ME1: variants seen among roughly 807,000 people sequenced by gnomAD.
ME1 encodes the protein NADP-dependent malic enzyme.
ME1 carries 74 observed loss-of-function variants against 66.4 expected under a neutral mutation model. The ratio of observed to expected loss-of-function variants is 1.11; its 90% confidence interval spans 0.92 to 1.35. ME1 has a LOEUF of 1.35. Ranked by LOEUF, ME1 falls within the 40% of genes most tolerant of loss-of-function variation. The pLI is 0.00. For synonymous variants in ME1, 251 were observed against 235.6 expected (o/e 1.07, Z -0.60); for missense variants, 750 against 694.1 (o/e 1.08, Z -0.90).
At chr6:83,294,396 AC>A (rs1361766110) in intron 6 of ME1, among the ~76,000 whole-genome samples, 1 of 152,062 alleles carries the variant, frequency 6.6e-6, no homozygotes, top group Non-Finnish European at 1.5e-5. Context: ...CCAGTTGTTG[AC>A]CACCTAATAA....
In ME1 at chr6:83,362,505, C is replaced by T. The variant is rs143561306; in HGVS notation, c.363-10366G>A. The stretch of plus-strand genomic sequence containing the variant: ...AACAAAGTACCCATGGTGGCAGGGG[C>T]GGAGGTTACGTATGGGCTCAGCAAC... On this transcript the variant is annotated intron_variant, in intron 3 of 13. Transcript: ENST00000369705. Among the ~76,000 whole-genome samples, 850 of 152,272 alleles carry T rather than the reference C, an allele frequency of 5.6e-3. 8 individuals carry two copies. The highest frequency in any genetic ancestry group is 0.019 in the African/African-American group (803 of 41,560).
At chr6:83,253,964 A>C (rs1790764262) in intron 6 of ME1, among the ~76,000 whole-genome samples, 1 of 152,196 alleles carries the variant, frequency 6.6e-6, no homozygotes, top group South Asian at 2.1e-4. Context: ...AATGACCAAA[A>C]TATGTTCCCT....
At position 83,328,532 on chromosome 6, in the gene ME1, A is replaced by T. The variant is rs962671119; in HGVS notation, c.601-13119T>A. ...TTTTTTTAATTTCATAATTTTAATT[A>T]AGATAATCAAGGCTTGAATAATTAG... On this transcript the variant is annotated intron_variant, in intron 5 of 13. Coordinates refer to ENST00000369705, the MANE Select transcript of ME1 (RefSeq NM_002395.6). 8.5e-5 allele frequency among the ~76,000 whole-genome samples: 13 copies of T among 152,226 alleles called. No individual in the cohort carries two copies. The East Asian group carries it at 2.5e-3, about 29-fold the overall frequency.
chr6:83,311,773 C>T (rs1442949906), intron 6 of ME1, among the ~76,000 whole-genome samples: 3 of 152,066 alleles, frequency 2.0e-5, no homozygotes, highest in Non-Finnish European at 4.4e-5. Context: ...GGTGAGAATG[C>T]TTAACAATCA....
chr6:83,389,851 A>T (rs1357977402), intron 3 of ME1, among the ~76,000 whole-genome samples: 1 of 152,180 alleles, frequency 6.6e-6, no homozygotes, highest in Non-Finnish European at 1.5e-5. Flanking sequence ...AATTAGGCAC[A>T]CTGACATAAG....
intron 6 of ME1, among the ~76,000 whole-genome samples, chr6:83,301,698 T>G (rs1452165291): frequency 1.3e-5 from 2 of 152,068 alleles, no homozygotes; most frequent in Admixed American, 1.3e-4. Context: ...ATGAAAAAAG[T>G]TCAATATCAC....
At chr6:83,324,363 C>T (rs1448717035) in intron 5 of ME1, among the ~76,000 whole-genome samples, 1 of 151,388 alleles carries the variant, frequency 6.6e-6, no homozygotes, top group Non-Finnish European at 1.5e-5. Context: ...GAGATAAAGA[C>T]ATGAAAAACC....
intron 6 of ME1, among the ~76,000 whole-genome samples, chr6:83,303,428 C>T (rs1225323247): frequency 6.6e-6 from 1 of 152,070 alleles, no homozygotes. Context: ...CATTTTTTCT[C>T]TTGAATTATT....
At chr6:83,256,495 C>T (rs1275147971) in intron 6 of ME1, among the ~76,000 whole-genome samples, 3 of 152,032 alleles carry the variant, frequency 2.0e-5, no homozygotes, top group Non-Finnish European at 2.9e-5. Flanking sequence ...AGTGAGATAC[C>T]GTCTCACACC....
At chr6:83,277,828 G>A (rs1767212927) in intron 6 of ME1, among the ~76,000 whole-genome samples, 1 of 151,798 alleles carries the variant, frequency 6.6e-6, no homozygotes, top group Non-Finnish European at 1.5e-5. Flanking sequence ...CTTGAACCTG[G>A]GAGGTAGAGG....
intron 7 of ME1, among the ~76,000 whole-genome samples, chr6:83,244,496 A>T (rs1790580643): frequency 6.6e-6 from 1 of 152,024 alleles, no homozygotes; most frequent in South Asian, 2.1e-4. Context: ...TAATTATAAT[A>T]TATTATAGGT....
At chr6:83,321,748 C>A (rs187643710) in intron 5 of ME1, among the ~76,000 whole-genome samples, 4 of 152,176 alleles carry the variant, frequency 2.6e-5, no homozygotes, top group African/African-American at 9.7e-5. Flanking sequence ...AACTTTCCAG[C>A]CTGACAGCTC....
intron 7 of ME1, 37 bp from the exon 8 acceptor site, chr6:83,239,673 A>G (rs756884032): frequency 3.5e-6 from 5 of 1,421,702 alleles, no homozygotes; most frequent in Non-Finnish European, 5.0e-6. Flanking sequence ...GTAATCCTCA[A>G]ACAGATCCTG....
At chr6:83,317,507 T>C (rs1325259697) in intron 5 of ME1, among the ~76,000 whole-genome samples, 8 of 151,988 alleles carry the variant, frequency 5.3e-5, no homozygotes, top group Non-Finnish European at 4.4e-5. Context: ...TTTTTGCACA[T>C]TGATTTTGTA....
chr6:83,241,275 G>C (rs1183399089), intron 7 of ME1, among the ~76,000 whole-genome samples: 1 of 152,042 alleles, frequency 6.6e-6, no homozygotes, highest in Non-Finnish European at 1.5e-5. Flanking sequence ...TTGGATCTGG[G>C]GAACTCTAAG....
At chr6:83,257,672 G>A (rs1766804843) in intron 6 of ME1, among the ~76,000 whole-genome samples, 1 of 152,092 alleles carries the variant, frequency 6.6e-6, no homozygotes, top group African/African-American at 2.4e-5. Flanking sequence ...CTAAAAACTG[G>A]TAAAATCATT....
At chr6:83,327,388 G>A (rs185315697) in intron 5 of ME1, among the ~76,000 whole-genome samples, 49 of 152,272 alleles carry the variant, frequency 3.2e-4, no homozygotes, top group African/African-American at 1.0e-3. Flanking sequence ...AAATATCACC[G>A]AATTCTTTTT....
chr6:83,430,395 A>G (rs2127699257), intron 1 of ME1, among the ~76,000 whole-genome samples: 1 of 152,284 alleles, frequency 6.6e-6, no homozygotes, highest in Non-Finnish European at 1.5e-5. Context: ...GAAGGCACTC[A>G]GTACACGTTT....
chr6:83,288,339 T>TCC (rs1767436482), intron 6 of ME1, among the ~76,000 whole-genome samples: 2 of 152,144 alleles, frequency 1.3e-5, no homozygotes, highest in African/African-American at 4.8e-5. Flanking sequence ...GTATAAGGCG[T>TCC]AAGGAAGGGG....
Sources: gnomAD v4.1 joint callset for allele counts (sites outside exome capture counted in the v4.1 genomes callset) on GRCh38, gnomAD v4.1.1 for gene constraint, MANE v1.5 for transcripts, NCBI Gene and HGNC (gene_info 2026-07-23, HGNC 2026-07-21) for gene names.